Variants in PPP1R13B observed in about 807,000 individuals in gnomAD.
PPP1R13B encodes protein phosphatase 1 regulatory subunit 13B.
Under a neutral mutation model 119.8 loss-of-function variants are expected in PPP1R13B, and 44 were observed. The observed-to-expected ratio is 0.37, with a 90% CI of 0.29 to 0.47. The LOEUF (loss-of-function observed/expected upper bound fraction) is 0.47. Among genes scored for constraint, PPP1R13B ranks in the 20% least tolerant of loss-of-function variants. The pLI is 0.99. For missense variants in PPP1R13B, 1,227 were observed against 1,413.5 expected, an observed-to-expected ratio of 0.87 and a Z score of 2.12; for synonymous variants, 542 against 561.5, an observed-to-expected ratio of 0.97 and a Z score of 0.49.
At chr14:103,777,891 C>G (rs1466945362) in intron 4 of PPP1R13B, among the ~76,000 whole-genome samples, 3 of 151,058 alleles carry the variant, frequency 2.0e-5, no homozygotes, top group Admixed American at 2.0e-4. Flanking sequence ...AACTCCTGGG[C>G]TCAAGTCATC....
rs2084020597 is a variant in PPP1R13B at position 103,733,981 on chromosome 14, G to C, written c.*1173C>G. 1 of 160,416 alleles carries C rather than the reference G, an allele frequency of 6.2e-6. No homozygotes were observed. Among genetic ancestry groups the C allele is most frequent in the Admixed American group, 5.7e-5 (1 of 17,416 alleles). The allele number at this position is 160,416 out of a possible 1,614,324, so 9.9% of individuals were successfully genotyped here. ...CTCATACATGAAAAATAGAGCCTAAGGGCCTGTATTTTAATGAGAAAAAAA... is the reference window on the plus strand; with the variant it reads ...CTCATACATGAAAAATAGAGCCTAACGGCCTGTATTTTAATGAGAAAAAAA... On this transcript the variant is annotated 3_prime_UTR_variant, in exon 17 of 17. Coordinates refer to ENST00000202556, the MANE Select transcript of PPP1R13B (RefSeq NM_015316.3).
chr14:103,775,278 ATT>A (rs397967804), intron 4 of PPP1R13B, among the ~76,000 whole-genome samples: 8 of 145,788 alleles, frequency 5.5e-5, no homozygotes, highest in African/African-American at 1.0e-4. Flanking sequence ...TATTATTATT[ATT>A]TTTTTTTTTT....
intron 2 of PPP1R13B, among the ~76,000 whole-genome samples, chr14:103,786,204 ATAATTTTTG>A (rs1041381454): frequency 6.6e-6 from 1 of 151,836 alleles, no homozygotes. Context: ...CCATGCCTGG[ATAATTTTTG>A]TAATTTTTGT....
chr14:103,791,753 G>T (rs1425545077), intron 2 of PPP1R13B, among the ~76,000 whole-genome samples: 2 of 152,112 alleles, frequency 1.3e-5, no homozygotes, highest in South Asian at 2.1e-4. Flanking sequence ...TATATATATA[G>T]AAGTAAATTT....
intron 9 of PPP1R13B, among the ~76,000 whole-genome samples, chr14:103,743,411 C>T (rs2084308082): frequency 6.6e-6 from 1 of 152,192 alleles, no homozygotes; most frequent in Non-Finnish European, 1.5e-5. Context: ...GAAAGCTGGT[C>T]ATCAACCCCA....
At chr14:103,767,902 T>TA in intron 4 of PPP1R13B, among the ~76,000 whole-genome samples, 1 of 152,360 alleles carries the variant, frequency 6.6e-6, no homozygotes, top group East Asian at 1.9e-4. Context: ...ATTCCACTTT[T>TA]ACTACACTTT....
rs764148069 is a variant in PPP1R13B, at chr14:103,828,107, C to G, written c.9+19192G>C. On this transcript the variant is annotated intron_variant, in intron 1 of 16. Transcript: ENST00000202556. ...CACGGCCGGGTGCAGTGGTTCATGC[C>G]TGTAATCCCAGCACTGTAGGAGGCC... 9.2e-5 allele frequency among the ~76,000 whole-genome samples: 14 copies of G among 152,132 alleles called. 1 individual carries two copies.
At chr14:103,801,639 A>C (rs2085903054) in intron 1 of PPP1R13B, among the ~76,000 whole-genome samples, 1 of 151,920 alleles carries the variant, frequency 6.6e-6, no homozygotes, top group Admixed American at 6.6e-5. Context: ...GCATCACCTC[A>C]ATGACTCCCT....
chr14:103,822,843 C>T (rs1332377858), intron 1 of PPP1R13B, among the ~76,000 whole-genome samples: 1 of 152,102 alleles, frequency 6.6e-6, no homozygotes, highest in Non-Finnish European at 1.5e-5. Flanking sequence ...CCTAATCCTT[C>T]CTGCATTGAA....
upstream of PPP1R13B, chr14:103,848,204 AGCCTTG>A (rs1420618468): frequency 1.0e-6 from 1 of 975,406 alleles, no homozygotes; most frequent in Non-Finnish European, 1.2e-6. Context: ...CCAGCTCCCG[AGCCTTG>A]GCCTTCGCCC....
At chr14:103,736,865 T>TAG (rs1043825754) in intron 15 of PPP1R13B, 7 of 153,744 alleles carry the variant, frequency 4.6e-5, no homozygotes, top group African/African-American at 1.7e-4. Context: ...ATTTCAAACC[T>TAG]AGAGTCCAGT....
At chr14:103,831,036 C>T (rs539814503) in intron 1 of PPP1R13B, among the ~76,000 whole-genome samples, 11 of 151,662 alleles carry the variant, frequency 7.3e-5, no homozygotes, top group South Asian at 6.3e-4. Context: ...CTCCGCCTCC[C>T]GAGTTCAAGT....
At chr14:103,818,274 G>C (rs1258639122) in intron 1 of PPP1R13B, among the ~76,000 whole-genome samples, 1 of 152,030 alleles carries the variant, frequency 6.6e-6, no homozygotes, top group Non-Finnish European at 1.5e-5. Context: ...CTGAGATTTG[G>C]GTCTGCTCAG....
At chr14:103,813,970 C>A (rs2086219412) in intron 1 of PPP1R13B, among the ~76,000 whole-genome samples, 1 of 152,178 alleles carries the variant, frequency 6.6e-6, no homozygotes, top group Admixed American at 6.5e-5. Context: ...ATGGACTTTA[C>A]ACATTCTCAA....
intron 8 of PPP1R13B, 96 bp from the exon 9 acceptor site, chr14:103,746,649 C>CACT (rs1567089848): frequency 3.5e-6 from 4 of 1,143,052 alleles, no homozygotes; most frequent in Admixed American, 5.9e-5. Context: ...AGAAAGCACT[C>CACT]ACTCAGTGGT....
chr14:103,832,240 C>A (rs1011135474), intron 1 of PPP1R13B, among the ~76,000 whole-genome samples: 2 of 152,032 alleles, frequency 1.3e-5, no homozygotes, highest in African/African-American at 4.8e-5. Flanking sequence ...TAACTACTAC[C>A]CTATGTGTAA....
chr14:103,819,192 G>A (rs1043905335), intron 1 of PPP1R13B, among the ~76,000 whole-genome samples: 2 of 152,188 alleles, frequency 1.3e-5, no homozygotes, highest in Admixed American at 1.3e-4. Flanking sequence ...GGAAATGAGA[G>A]ATAAGCTACT....
chr14:103,802,882 T>C (rs1193454034), intron 1 of PPP1R13B, among the ~76,000 whole-genome samples: 1 of 152,212 alleles, frequency 6.6e-6, no homozygotes, highest in Non-Finnish European at 1.5e-5. Context: ...TTGTGTTCCA[T>C]TTTATCACTC....
At chr14:103,765,060 C>G (rs374826075) in intron 4 of PPP1R13B, among the ~76,000 whole-genome samples, 1 of 152,222 alleles carries the variant, frequency 6.6e-6, no homozygotes, top group Admixed American at 6.5e-5. Flanking sequence ...CCTCGTGATC[C>G]GCCCGCCTCG....
Sources: allele counts gnomAD v4.1 joint callset (sites outside exome capture counted in the v4.1 genomes callset), GRCh38; gene constraint gnomAD v4.1.1; transcripts MANE v1.5; gene names NCBI Gene and HGNC (gene_info 2026-07-23, HGNC 2026-07-21).